DDX19A: variants seen among roughly 807,000 people sequenced by gnomAD.
The protein encoded by DDX19A is DEAD-box helicase 19A.
Under a neutral mutation model 60.6 loss-of-function variants are expected in DDX19A, and 12 were observed. That is an observed-to-expected ratio of 0.20 (90% confidence interval 0.13 to 0.32). DDX19A has a LOEUF of 0.32. Ranked by LOEUF, DDX19A falls within the 10% of genes least tolerant of loss-of-function variation. The pLI is 1.00. For missense variants in DDX19A, 337 were observed against 600.6 expected (o/e 0.56, Z 4.59); for synonymous variants, 206 against 218.2 (o/e 0.94, Z 0.49).
chr16:70,352,737 A>G (rs1964061940), intron 2 of DDX19A, among the ~76,000 whole-genome samples: 1 of 150,950 alleles, frequency 6.6e-6, no homozygotes, highest in Non-Finnish European at 1.5e-5. Context: ...CCGGGGTTCA[A>G]GCGATTCTCC....
intron 4 of DDX19A, among the ~76,000 whole-genome samples, chr16:70,357,366 GTTTTTTTTTTTTTTTTTTTTTTT>G (rs71151183): frequency 5.6e-4 from 25 of 44,582 alleles, no homozygotes; most frequent in African/African-American, 2.0e-3. Flanking sequence ...TTTTTGGTTT[GTTTTTTTTTTTTTTTTTTTTTTT>G]TTTTTTTTTT....
At chr16:70,354,061 G>A (rs2151631545) in intron 2 of DDX19A, among the ~76,000 whole-genome samples, 1 of 151,964 alleles carries the variant, frequency 6.6e-6, no homozygotes, top group South Asian at 2.1e-4. Flanking sequence ...GTCTTGCTAT[G>A]TTGCCCAGGC....
intron 1 of DDX19A, among the ~76,000 whole-genome samples, chr16:70,349,503 G>A (rs1963947962): frequency 6.6e-6 from 1 of 152,228 alleles, no homozygotes; most frequent in Non-Finnish European, 1.5e-5. Context: ...TGACAGCCAA[G>A]GGCCAGCCTT....
intron 4 of DDX19A, among the ~76,000 whole-genome samples, chr16:70,357,178 G>A (rs1285841041): frequency 6.7e-6 from 1 of 149,140 alleles, no homozygotes; most frequent in Admixed American, 6.7e-5. Context: ...GAGATCACTT[G>A]AACCTGTGAG....
Position 70,348,237 on chromosome 16 carries a change from A to G in DDX19A, c.57+1189A>G, listed in dbSNP as rs1963901361. ...ATAATAAAGGAGAGAAGGGAGATAA[A>G]GCCAAAGGTTTCTGTTTTCAACCTG... On this transcript the variant is annotated intron_variant, in intron 1 of 11. Coordinates refer to ENST00000302243, the MANE Select transcript of DDX19A (RefSeq NM_018332.5). Among the ~76,000 whole-genome samples, 3 of 152,228 alleles carry G rather than the reference A, an allele frequency of 2.0e-5. No homozygotes were observed. The South Asian group carries it at 6.2e-4, about 32-fold the overall frequency.
Position 70,352,492 on chromosome 16 carries a change from CCAGGTTGGT to C in DDX19A, c.106+1889_106+1897del, listed in dbSNP as rs554169249. Among the ~76,000 whole-genome samples, 11 of 152,068 alleles carry C rather than the reference CCAGGTTGGT, an allele frequency of 7.2e-5. No individual in the cohort carries two copies. In the South Asian group the frequency reaches 2.3e-3, roughly 32 times the overall value. On this transcript the variant is annotated intron_variant, in intron 2 of 11. Transcript: ENST00000302243. ...TGGAGACGGGGTTTCACCATGTTGG[CCAGGTTGGT>C]CTTGAACTCCTGACCTGATGATCTG...
intron 4 of DDX19A, chr16:70,356,891 G>T (rs1030247248): frequency 3.9e-6 from 5 of 1,267,976 alleles, no homozygotes; most frequent in African/African-American, 1.6e-5. Flanking sequence ...TGGATGTCAG[G>T]AACATTTCTG....
At chr16:70,350,674 A>G in intron 2 of DDX19A, 69 bp downstream of exon 2, 1 of 1,183,370 alleles carries the variant, frequency 8.5e-7, no homozygotes, top group South Asian at 1.3e-5. Flanking sequence ...TCATAGCTGC[A>G]TTGTACAAAG....
rs769304566 is a variant in DDX19A at position 70,366,611 on chromosome 16, C to T, written c.783-13C>T. ...GGCCACCTGGGGCCATCTACCCGGG[C>T]CTTCCCTTGCAGGATGCTGCCCAGG... On this transcript the variant is annotated splice_polypyrimidine_tract_variant and intron_variant, in intron 8 of 11. Coordinates refer to ENST00000302243, the MANE Select transcript of DDX19A (RefSeq NM_018332.5). 1 of 1,614,100 alleles carries T rather than the reference C, an allele frequency of 6.2e-7. No homozygotes were observed. Among genetic ancestry groups the T allele is most frequent in the East Asian group, 2.2e-5 (1 of 44,868 alleles).
chr16:70,357,623 A>C, intron 4 of DDX19A, among the ~76,000 whole-genome samples: 1 of 151,672 alleles, frequency 6.6e-6, no homozygotes, highest in Non-Finnish European at 1.5e-5. Flanking sequence ...TGATCTCATG[A>C]TCTGCCCGCC....
At chr16:70,357,761 G>A (rs1251073475) in intron 4 of DDX19A, among the ~76,000 whole-genome samples, 4 of 152,046 alleles carry the variant, frequency 2.6e-5, no homozygotes, top group Non-Finnish European at 4.4e-5. Context: ...CCACTGTGCT[G>A]GATGTTACAA....
At chr16:70,359,702 A>G (rs533043144) in intron 4 of DDX19A, among the ~76,000 whole-genome samples, 12 of 152,084 alleles carry the variant, frequency 7.9e-5, no homozygotes, top group African/African-American at 2.9e-4. Flanking sequence ...CAAAAAATAA[A>G]AAAAAATTAG....
chr16:70,370,528 C>T (rs1964652922), intron 10 of DDX19A, 143 bp downstream of exon 10: 2 of 1,298,468 alleles, frequency 1.5e-6, no homozygotes, highest in South Asian at 3.8e-5. Flanking sequence ...CTAGGAGAGA[C>T]TGTTTGGATT....
chr16:70,356,217 A>T lies in DDX19A; in HGVS notation c.263A>T (p.Tyr88Phe). The T allele has an allele frequency of 6.2e-7, 1 of 1,614,060 alleles. No individual in the cohort carries two copies. The highest frequency in any genetic ancestry group is 8.5e-7 in the Non-Finnish European group (1 of 1,180,018). ...CAACGGGATCCAAACTCCCCTCTGT[A>T]CTCGGTGAAGTCGTTTGAAGAGCTT... ...VLQRDPNSPL[Y>F]SVKSFEELRL... The change falls in exon 4 of 12, where the codon TAC (tyrosine) becomes TTC (phenylalanine). Residue 88 changes from tyrosine (Y) to phenylalanine (F), a missense_variant. Tyr to Phe is a conservative substitution (Grantham distance 22, BLOSUM62 3). Coordinates refer to ENST00000302243, the MANE Select transcript of DDX19A (RefSeq NM_018332.5).
At chr16:70,358,449 T>C (rs1418103608) in intron 4 of DDX19A, among the ~76,000 whole-genome samples, 4 of 149,758 alleles carry the variant, frequency 2.7e-5, no homozygotes, top group East Asian at 3.9e-4. Context: ...GGATTACAGG[T>C]GTGAGCCACT....
intron 4 of DDX19A, among the ~76,000 whole-genome samples, chr16:70,360,555 C>T (rs1214354457): frequency 6.6e-6 from 1 of 150,930 alleles, no homozygotes. Context: ...TTGCCCAGGC[C>T]GGTCTTGAAC....
chr16:70,372,239 A>G lies in DDX19A; in HGVS notation c.*253A>G. ...TTTAAAGCCACATTCCCCCATCTTTATAATAATCTGGTCACAGTGGTAGTC... is the reference window on the plus strand; with the variant it reads ...TTTAAAGCCACATTCCCCCATCTTTGTAATAATCTGGTCACAGTGGTAGTC... On this transcript the variant is annotated 3_prime_UTR_variant, in exon 12 of 12. Transcript: ENST00000302243. The G allele has an allele frequency of 1.7e-6, 1 of 596,566 alleles. No homozygotes were observed. The highest frequency in any genetic ancestry group is 2.9e-6 in the Non-Finnish European group (1 of 340,008). 37.0% of individuals were successfully genotyped at this position (596,566 alleles called of 1,614,324 possible).
chr16:70,354,144 T>G (rs920797565), intron 2 of DDX19A, among the ~76,000 whole-genome samples: 4 of 145,028 alleles, frequency 2.8e-5, no homozygotes, highest in Non-Finnish European at 3.1e-5. Context: ...ATTTCTGGGG[T>G]TTTTTTTTTT....
At chr16:70,353,515 G>A (rs1352785166) in intron 2 of DDX19A, among the ~76,000 whole-genome samples, 1 of 151,992 alleles carries the variant, frequency 6.6e-6, no homozygotes, top group Non-Finnish European at 1.5e-5. Flanking sequence ...CAGATCATGA[G>A]GTCAGCCCTA....
Sources: gnomAD v4.1 joint callset for allele counts (sites outside exome capture counted in the v4.1 genomes callset) on GRCh38, gnomAD v4.1.1 for gene constraint, MANE v1.5 for transcripts, NCBI Gene and HGNC (gene_info 2026-07-23, HGNC 2026-07-21) for gene names.